The following EPB41 variants were observed in gnomAD, a reference collection of about 807,000 sequenced individuals.
EPB41 encodes the protein erythrocyte membrane protein band 4.1, also known as protein 4.1.
EPB41 carries 65 observed loss-of-function variants against 108.0 expected under a neutral mutation model. That is an observed-to-expected ratio of 0.60 (90% confidence interval 0.49 to 0.74). The LOEUF (loss-of-function observed/expected upper bound fraction) is 0.74, where lower values mean the gene tolerates loss of function less well. EPB41 is among the 30% of genes least tolerant of loss of function. The pLI, the probability that EPB41 is intolerant of heterozygous loss-of-function variation, is 0.00. For missense variants in EPB41, 875 were observed against 1,037.0 expected (o/e 0.84, Z 2.15); for synonymous variants, 336 against 358.9 (o/e 0.94, Z 0.72).
intron 1 of EPB41, among the ~76,000 whole-genome samples, chr1:28,983,919 C>T (rs951128801): frequency 6.6e-6 from 1 of 151,092 alleles, no homozygotes; most frequent in Non-Finnish European, 1.5e-5. Context: ...GTGCTCTTGT[C>T]CGGTGTCCAG....
chr1:28,954,101 G>A (rs556594111), intron 1 of EPB41, among the ~76,000 whole-genome samples: 74 of 152,270 alleles, frequency 4.9e-4, no homozygotes, highest in Middle Eastern at 3.4e-3. Context: ...ATTCTAATGC[G>A]CACCCCAGGT....
chr1:29,012,939 CA>C (rs1187119181), intron 5 of EPB41, among the ~76,000 whole-genome samples: 1 of 151,916 alleles, frequency 6.6e-6, no homozygotes, highest in Admixed American at 6.6e-5. Flanking sequence ...TTGCTCCTTT[CA>C]ATGAAAATAC....
chr1:29,039,856 T>C (rs1640839217), intron 11 of EPB41, among the ~76,000 whole-genome samples: 1 of 152,090 alleles, frequency 6.6e-6, no homozygotes, highest in Non-Finnish European at 1.5e-5. Flanking sequence ...GGGATCTTAC[T>C]AATTGTCTAA....
At chr1:28,975,958 AAAAG>A (rs1553205874) in intron 1 of EPB41, among the ~76,000 whole-genome samples, 18 of 140,198 alleles carry the variant, frequency 1.3e-4, no homozygotes, top group South Asian at 2.5e-4. Flanking sequence ...AAAAAAAAAA[AAAAG>A]AAAGAAAGAA....
At chr1:29,067,149 G>A (rs1466152311) in intron 16 of EPB41, among the ~76,000 whole-genome samples, 7 of 149,138 alleles carry the variant, frequency 4.7e-5, no homozygotes, top group Non-Finnish European at 1.0e-4. Flanking sequence ...GAGGTCAGGA[G>A]TTTGAGACCA....
chr1:29,085,669 G>A (rs571863513), intron 16 of EPB41, among the ~76,000 whole-genome samples: 1 of 151,998 alleles, frequency 6.6e-6, no homozygotes, highest in Admixed American at 6.6e-5. Context: ...TCCCACCTCA[G>A]CCTCCTTAGT....
intron 11 of EPB41, among the ~76,000 whole-genome samples, chr1:29,046,939 A>G (rs1643399116): frequency 6.6e-6 from 1 of 152,054 alleles, no homozygotes; most frequent in South Asian, 2.1e-4. Flanking sequence ...TTCATAAGAG[A>G]GATAGGCCTA....
rs77485135 is a variant in EPB41 at position 28,921,532 on chromosome 1, A to G, written c.-8+6764A>G. On this transcript the variant is annotated intron_variant, in intron 1 of 20. Transcript: ENST00000343067. Reference sequence around the variant, plus strand: ...CCATTTCAGCATGCGATAGGGACACATGGAAGGCAGCTTAAAGTAAAGGCT... The same window carrying G: ...CCATTTCAGCATGCGATAGGGACACGTGGAAGGCAGCTTAAAGTAAAGGCT... Among the ~76,000 whole-genome samples the G allele has an allele frequency of 8.1e-3, 1,236 of 152,072 alleles. 46 individuals are homozygous for G. The highest frequency in any genetic ancestry group is 0.074 in the East Asian group (382 of 5,152).
chr1:29,010,288 A>G (rs1289088291), intron 4 of EPB41, among the ~76,000 whole-genome samples: 1 of 152,054 alleles, frequency 6.6e-6, no homozygotes, highest in East Asian at 1.9e-4. Flanking sequence ...GCAGAGAACC[A>G]AGATTGCATC....
intron 16 of EPB41, chr1:29,070,911 T>A (rs1275802166): frequency 3.7e-6 from 1 of 271,426 alleles, no homozygotes; most frequent in African/African-American, 2.2e-5. Flanking sequence ...TTAACTCTTT[T>A]ATCCTGCATG....
intron 2 of EPB41, among the ~76,000 whole-genome samples, chr1:28,992,198 T>C (rs772994793): frequency 1.3e-5 from 2 of 152,194 alleles, no homozygotes; most frequent in Non-Finnish European, 2.9e-5. Context: ...AAGGAGTCTT[T>C]TAGATTACTT....
intron 1 of EPB41, among the ~76,000 whole-genome samples, chr1:28,949,748 T>G (rs1358322663): frequency 6.6e-6 from 1 of 151,652 alleles, no homozygotes; most frequent in Non-Finnish European, 1.5e-5. Context: ...GGATTACAGG[T>G]GCATGCCACC....
chr1:29,049,706 T>C (rs1644152720), intron 11 of EPB41, among the ~76,000 whole-genome samples: 1 of 152,176 alleles, frequency 6.6e-6, no homozygotes, highest in South Asian at 2.1e-4. Flanking sequence ...TCTTTACTGC[T>C]GTAGTATATA....
intron 1 of EPB41, among the ~76,000 whole-genome samples, chr1:28,973,780 A>T (rs2095544046): frequency 6.6e-6 from 1 of 152,186 alleles, no homozygotes; most frequent in African/African-American, 2.4e-5. Flanking sequence ...GGACCCACGT[A>T]CTAGAAGAAT....
intron 14 of EPB41, among the ~76,000 whole-genome samples, chr1:29,059,147 C>T (rs1300282961): frequency 6.6e-5 from 10 of 152,178 alleles, no homozygotes; most frequent in East Asian, 1.9e-4. Context: ...TGTTGGTGCA[C>T]GCCTTTAATC....
intron 1 of EPB41, among the ~76,000 whole-genome samples, chr1:28,977,312 G>A (rs890513811): frequency 6.6e-6 from 1 of 151,810 alleles, no homozygotes; most frequent in African/African-American, 2.4e-5. Context: ...AGCATTAATG[G>A]AGCACTGACT....
chr1:29,069,392 A>C (rs1334982420), intron 16 of EPB41: 1 of 1,229,192 alleles, frequency 8.1e-7, no homozygotes, highest in East Asian at 3.2e-5. Flanking sequence ...CTTTCTTTAA[A>C]AGTGTCTAAA....
chr1:29,046,126 A>T (rs1359208732), intron 11 of EPB41, among the ~76,000 whole-genome samples: 2 of 151,560 alleles, frequency 1.3e-5, no homozygotes, highest in Non-Finnish European at 2.9e-5. Context: ...TTTTTAATTT[A>T]ATTTTATTTT....
chr1:29,088,052 TC>T lies in EPB41; in HGVS notation c.2185-9754del, dbSNP rs200310882. 1.3e-3 allele frequency among the ~76,000 whole-genome samples: 196 copies of T among 145,626 alleles called. 40 individuals are homozygous for T. Among genetic ancestry groups the T allele is most frequent in the Non-Finnish European group, 1.7e-3 (109 of 65,782 alleles). ...TTTCCTTTTTCTTTTTTTCTTTTTT[TC>T]TTTTTTTTTTGAGATGGAGCCTCCC... On this transcript the variant is annotated intron_variant, in intron 16 of 20. Transcript: ENST00000343067.
Sources: allele counts gnomAD v4.1 joint callset (sites outside exome capture counted in the v4.1 genomes callset), GRCh38; gene constraint gnomAD v4.1.1; transcripts MANE v1.5; gene names NCBI Gene and HGNC (gene_info 2026-07-23, HGNC 2026-07-21).